Variants in CDHR3 observed in about 807,000 individuals in gnomAD.
CDHR3 encodes cadherin-related family member 3.
In CDHR3, 79 loss-of-function variants were observed where a neutral mutation model predicts 86.6. The ratio of observed to expected loss-of-function variants is 0.91; its 90% CI spans 0.76 to 1.10. The LOEUF is 1.10. Ranked by LOEUF, CDHR3 falls within the 50% of genes least tolerant of loss-of-function variation. CDHR3 has a pLI of 0.00. For synonymous variants in CDHR3, 421 were observed against 402.4 expected (o/e 1.05, Z -0.55); for missense variants, 1,081 against 1,077.6 (o/e 1.00, Z -0.04).
intron 7 of CDHR3, among the ~76,000 whole-genome samples, chr7:106,003,989 C>CAAAAA (rs55815648): frequency 7.6e-3 from 599 of 78,538 alleles, no homozygotes; most frequent in East Asian, 8.9e-3. Flanking sequence ...CCAACCTAAC[C>CAAAAA]AAAAAAAAAA....
At chr7:106,024,596 C>A (rs1331202772) in intron 15 of CDHR3, 34 bp downstream of exon 15, 14 of 1,598,932 alleles carry the variant, frequency 8.8e-6, no homozygotes, top group Non-Finnish European at 1.2e-5. Flanking sequence ...CTCTTCCCCA[C>A]CTCCTTTAGG....
chr7:106,032,776 G>A lies in CDHR3; in HGVS notation c.*79G>A. ...TCTATGGGGATGGTGTGGGCATGGT[G>A]TAGGGGGGAAAATGTGGGCTGAGGG... On this transcript the variant is annotated 3_prime_UTR_variant, in exon 19 of 19. Transcript: ENST00000317716. 1 of 1,424,068 alleles carries A rather than the reference G, an allele frequency of 7.0e-7. No homozygotes were observed. The highest frequency in any genetic ancestry group is 9.4e-7 in the Non-Finnish European group (1 of 1,063,168). 88.2% of individuals were successfully genotyped at this position (1,424,068 alleles called of 1,614,324 possible).
rs1838898683 is a variant in CDHR3, at chr7:106,036,075, C to T, written c.*3378C>T. 1 of 152,070 alleles carries T rather than the reference C, an allele frequency of 6.6e-6. No homozygotes were observed. Among genetic ancestry groups the T allele is most frequent in the South Asian group, 2.1e-4 (1 of 4,828 alleles). 9.4% of individuals were successfully genotyped at this position (152,070 alleles called of 1,614,324 possible). ...GGGTAAATACGTTCAGGAATTAGAC[C>T]ACGTAACAATTATAATTGTCGAAGA... On this transcript the variant is annotated 3_prime_UTR_variant, in exon 19 of 19. Transcript: ENST00000317716.
chr7:105,991,743 G>C (rs1831388586), intron 4 of CDHR3, among the ~76,000 whole-genome samples: 1 of 152,160 alleles, frequency 6.6e-6, no homozygotes, highest in Non-Finnish European at 1.5e-5. Flanking sequence ...AATATTTATT[G>C]AGCATCTATT....
chr7:105,999,238 T>A (rs1314299510), intron 6 of CDHR3, among the ~76,000 whole-genome samples: 1 of 152,254 alleles, frequency 6.6e-6, no homozygotes, highest in Non-Finnish European at 1.5e-5. Flanking sequence ...GTATCTTGGA[T>A]TCAAAAATCA....
At chr7:105,988,535 C>A (rs1830855222) in intron 4 of CDHR3, among the ~76,000 whole-genome samples, 1 of 152,176 alleles carries the variant, frequency 6.6e-6, no homozygotes, top group African/African-American at 2.4e-5. Context: ...CATTTTGAAA[C>A]CTCAACCCCT....
rs182455935 is a variant in CDHR3 at position 106,017,870 on chromosome 7, G to A, written c.1451G>A (p.Arg484Gln). ...GCCAGAACCCGAGTGGGACAGGTGCGAGCCACTGATAAAGACCTCCCCCAG... is the reference window on the plus strand; with the variant it reads ...GCCAGAACCCGAGTGGGACAGGTGCAAGCCACTGATAAAGACCTCCCCCAG... The part of the protein sequence containing the change: ...RPARTRVGQV[R>Q]ATDKDLPQSS... The change falls in exon 12 of 19, where the codon CGA becomes CAA. Residue 484 changes from arginine (R) to glutamine (Q), a missense_variant. Coordinates refer to ENST00000317716, the MANE Select transcript of CDHR3 (RefSeq NM_152750.5). The A allele has an allele frequency of 4.6e-5, 74 of 1,593,124 alleles. No individual in the cohort carries two copies. Among genetic ancestry groups the A allele is most frequent in the Admixed American group, 1.8e-4 (10 of 57,106 alleles).
Position 105,974,875 on chromosome 7 carries a change from T to G in CDHR3, c.78T>G (p.Pro26=), listed in dbSNP as rs771585430. The change falls in exon 2 of 19, where the codon CCT becomes CCG. Residue 26 remains proline (P), a synonymous_variant. Coordinates refer to ENST00000317716, the MANE Select transcript of CDHR3 (RefSeq NM_152750.5). The part of the protein sequence containing the change: ...GGEALHLILL[P]ATGNVAENSP... ...AAGCACTACACCTAATCCTCTTACC[T>G]GCTACAGGCAATGTGGCAGAGAATT... 3 of 1,613,708 alleles carry G rather than the reference T, an allele frequency of 1.9e-6. No individual in the cohort carries two copies. The highest frequency in any genetic ancestry group is 1.7e-4 in the Middle Eastern group (1 of 5,990).
chr7:106,020,268 A>T, intron 12 of CDHR3, 105 bp from the exon 13 acceptor site: 1 of 962,232 alleles, frequency 1.0e-6, no homozygotes, highest in Non-Finnish European at 1.5e-6. Context: ...ATGTGAGTTT[A>T]AATGAGCTAA....
intron 1 of CDHR3, among the ~76,000 whole-genome samples, chr7:105,966,309 T>G (rs1419870280): frequency 6.6e-6 from 1 of 152,184 alleles, no homozygotes; most frequent in Non-Finnish European, 1.5e-5. Flanking sequence ...GCCAGGGTAT[T>G]TAATGAAAGA....
At chr7:105,973,792 C>A (rs1424649299) in intron 1 of CDHR3, among the ~76,000 whole-genome samples, 1 of 152,014 alleles carries the variant, frequency 6.6e-6, no homozygotes, top group Non-Finnish European at 1.5e-5. Context: ...CATGGTGAAA[C>A]CTCGTCTCTA....
chr7:106,016,664 C>T (rs1178057521), intron 11 of CDHR3, among the ~76,000 whole-genome samples: 4 of 152,120 alleles, frequency 2.6e-5, no homozygotes, highest in African/African-American at 9.7e-5. Context: ...ATACTTTTTC[C>T]ATATTAAAAA....
chr7:106,001,906 T>C (rs1425022952), intron 7 of CDHR3, among the ~76,000 whole-genome samples: 1 of 152,260 alleles, frequency 6.6e-6, no homozygotes, highest in Admixed American at 6.5e-5. Context: ...TGTATATGTT[T>C]AGTGCAAATG....
At chr7:106,004,366 G>A (rs1451949339) in intron 7 of CDHR3, 132 bp from the exon 8 acceptor site, 1 of 709,300 alleles carries the variant, frequency 1.4e-6, no homozygotes, top group African/African-American at 1.8e-5. Flanking sequence ...TTTCAAAAAT[G>A]TATTTGTATA....
At chr7:105,969,171 C>T (rs1321059875) in intron 1 of CDHR3, among the ~76,000 whole-genome samples, 3 of 150,040 alleles carry the variant, frequency 2.0e-5, no homozygotes, top group Admixed American at 6.6e-5. Context: ...CCGAGGCGGG[C>T]GGATCACGAG....
Position 106,006,096 on chromosome 7 carries a change from G to A in CDHR3, c.1052+1409G>A, listed in dbSNP as rs911588218. ...TCTTACATGGATGGCAGCAGGCAAA[G>A]AGATAGAGCTTGTGTAGGGAAACTC... On this transcript the variant is annotated intron_variant, in intron 8 of 18. Transcript: ENST00000317716. Among the ~76,000 whole-genome samples the A allele has an allele frequency of 3.3e-5, 5 of 152,226 alleles. No homozygotes were observed. The South Asian group carries it at 1.0e-3, about 31-fold the overall frequency.
At chr7:106,025,741 G>A (rs931193760) in intron 15 of CDHR3, among the ~76,000 whole-genome samples, 5 of 152,202 alleles carry the variant, frequency 3.3e-5, no homozygotes, top group Admixed American at 6.5e-5. Context: ...AAAGATGTGC[G>A]TTGCATTTTG....
At chr7:106,003,989 C>CAAAAAAAAAAAAA (rs55815648) in intron 7 of CDHR3, among the ~76,000 whole-genome samples, 1,047 of 79,102 alleles carry the variant, frequency 0.013, no homozygotes, top group Non-Finnish European at 0.015. Flanking sequence ...CCAACCTAAC[C>CAAAAAAAAAAAAA]AAAAAAAAAA....
rs920774371 is a variant in CDHR3 at position 106,024,162 on chromosome 7, T to C, written c.2077-219T>C. Among the ~76,000 whole-genome samples, 3 of 152,310 alleles carry C rather than the reference T, an allele frequency of 2.0e-5. No individual in the cohort carries two copies. In the South Asian group the frequency reaches 6.2e-4, roughly 32 times the overall value. On this transcript the variant is annotated intron_variant, in intron 14 of 18. Coordinates refer to ENST00000317716, the MANE Select transcript of CDHR3 (RefSeq NM_152750.5). ...ATAAAATAAGGCCTAGAGTTGTTTT[T>C]CAGTTCCCTAAAATTTCTGGGTTTT...
Sources: allele counts gnomAD v4.1 joint callset (sites outside exome capture counted in the v4.1 genomes callset), GRCh38; gene constraint gnomAD v4.1.1; transcripts MANE v1.5; gene names NCBI Gene and HGNC (gene_info 2026-07-23, HGNC 2026-07-21).